PITPNM1: variants seen among roughly 807,000 people sequenced by gnomAD.
The protein encoded by PITPNM1 is membrane-associated phosphatidylinositol transfer protein 1.
A neutral mutation model predicts 133.3 loss-of-function variants in PITPNM1; 74 were observed. The observed-to-expected ratio is 0.56, with a 90% CI of 0.46 to 0.67. The LOEUF (loss-of-function observed/expected upper bound fraction) is 0.67. Among genes scored for constraint, PITPNM1 ranks in the 30% least tolerant of loss-of-function variants. The probability of loss-of-function intolerance (pLI) is 0.00; values close to 1 mark genes in which losing one functional copy is unlikely to be tolerated. For synonymous variants in PITPNM1, 738 were observed against 741.4 expected, an observed-to-expected ratio of 1.00 and a Z score of 0.08; for missense variants, 1,398 against 1,739.5, an observed-to-expected ratio of 0.80 and a Z score of 3.49.
Position 67,494,939 on chromosome 11 carries a change from C to T in PITPNM1, c.2649G>A (p.Arg883=). ...FILRQVIEKE[R]PQLAECEEPS... ...GCTCCTCGCATTCCGCCAGCTGTGG[C>T]CGCTCCTTCTCGATCACCTGCACGG... Residue 883 remains arginine, a synonymous_variant, in exon 18 of 24, where the codon CGG becomes CGA. Transcript: ENST00000356404. 6.2e-7 allele frequency: 1 copy of T among 1,612,730 alleles called. No homozygotes were observed. Among genetic ancestry groups the T allele is most frequent in the South Asian group, 1.1e-5 (1 of 91,084 alleles).
chr11:67,501,684 C>T (rs760082012), intron 5 of PITPNM1, among the ~76,000 whole-genome samples, 178 bp downstream of exon 5: 4 of 152,192 alleles, frequency 2.6e-5, no homozygotes, highest in African/African-American at 7.2e-5. Flanking sequence ...TTACCAGCTT[C>T]CTGCTCTGTG....
In PITPNM1 at chr11:67,498,068, C is replaced by T; in HGVS notation, c.1675-44G>A. The stretch of plus-strand genomic sequence containing the variant: ...ACCATCAGGAGAGGCCTTGTCCTCA[C>T]CCAGGCCAGACTACAGTGGGGGCTG... On this transcript the variant is annotated intron_variant, in intron 11 of 23. Transcript: ENST00000356404. The surrounding 1 kb of genome is among the most constrained non-coding windows in gnomAD (Gnocchi z 5.7). 17 of 1,608,054 alleles carry T rather than the reference C, an allele frequency of 1.1e-5. No individual in the cohort carries two copies. The highest frequency in any genetic ancestry group is 1.4e-5 in the Non-Finnish European group (17 of 1,178,516).
chr11:67,493,420 A>T lies in PITPNM1; in HGVS notation c.3332T>A (p.Leu1111Gln). The change falls in exon 22 of 24, where the codon CTG (leucine) becomes CAG (glutamine). Residue 1111 changes from leucine to glutamine, a missense_variant. Coordinates refer to ENST00000356404, the MANE Select transcript of PITPNM1 (RefSeq NM_004910.3). ...LRQKAMFLQS[L>Q]VQEVELNIVA... ...CCCCAGCCGCCGCACCTCCTGCACC[A>T]GGCTCTGCAGAAACATTGCCTTCTG... 6.3e-7 allele frequency: 1 copy of T among 1,591,290 alleles called. No individual in the cohort carries two copies. Among genetic ancestry groups the T allele is most frequent in the Non-Finnish European group, 8.6e-7 (1 of 1,165,610 alleles).
chr11:67,497,366 C>T lies in PITPNM1; in HGVS notation c.2011G>A (p.Ala671Thr), dbSNP rs753776051. 44 of 1,601,354 alleles carry T rather than the reference C, an allele frequency of 2.7e-5. No individual in the cohort carries two copies. The Admixed American group carries it at 3.1e-4, about 11-fold the overall frequency. The change falls in exon 14 of 24, where the codon GCT (alanine) becomes ACT (threonine). Residue 671 changes from alanine (A) to threonine (T), a missense_variant. Physicochemically the swap from Ala to Thr is moderately conservative, Grantham distance 58. Around this residue, in one of 5 missense-constraint regions of PITPNM1, gnomAD observed 574 missense variants for 698.7 expected, o/e 0.82. Coordinates refer to ENST00000356404, the MANE Select transcript of PITPNM1 (RefSeq NM_004910.3). The stretch of plus-strand genomic sequence containing the variant: ...CCGTCAGGTGCCTCGGAACTGGCAG[C>T]GGGTGGGCAGAAGGCCGTGCTTGCC... ...RRASTAFCPP[A>T]ASSEAPDGPS...
At chr11:67,503,501 G>T (rs1866398379) in intron 2 of PITPNM1, among the ~76,000 whole-genome samples, 1 of 152,182 alleles carries the variant, frequency 6.6e-6, no homozygotes, top group Non-Finnish European at 1.5e-5. Context: ...TATTGCTCCG[G>T]GGCTCAGATG....
intron 2 of PITPNM1, among the ~76,000 whole-genome samples, chr11:67,503,245 A>G (rs1322631593): frequency 6.6e-6 from 1 of 152,222 alleles, no homozygotes; most frequent in African/African-American, 2.4e-5. Context: ...GAGGTGAGGT[A>G]GGAGGAGGTG....
intron 8 of PITPNM1, 110 bp from the exon 9 acceptor site, chr11:67,499,111 C>A: frequency 1.9e-6 from 2 of 1,073,688 alleles, no homozygotes; most frequent in South Asian, 3.1e-5. Context: ...CCAGTCCCTA[C>A]CTTCCTCCAA....
At position 67,493,077 on chromosome 11, in the gene PITPNM1, G is replaced by A. The variant is rs1329968838; in HGVS notation, c.3343-15C>T. The A allele has an allele frequency of 1.2e-6, 2 of 1,612,596 alleles. No homozygotes were observed. The highest frequency in any genetic ancestry group is 1.1e-5 in the South Asian group (1 of 91,074). ...TTCAGTTCTACCTGTGGCGGGAGAT[G>A]CCAATCAGCCGCCCCAGGGGTGGAG... is the stretch of plus-strand genomic sequence containing the variant. On this transcript the variant is annotated splice_polypyrimidine_tract_variant and intron_variant, in intron 22 of 23. Coordinates refer to ENST00000356404, the MANE Select transcript of PITPNM1 (RefSeq NM_004910.3).
intron 12 of PITPNM1, 93 bp downstream of exon 12, chr11:67,497,824 C>A: frequency 1.4e-6 from 2 of 1,477,852 alleles, no homozygotes; most frequent in Middle Eastern, 1.7e-4. Flanking sequence ...GGGGGCCTGC[C>A]TGCTGGCAGA....
rs777553385 is a variant in PITPNM1 at position 67,494,833 on chromosome 11, G to A, written c.2742+13C>T. ...GGGCGAGTGGGCGAGGGGGCGAGGG[G>A]CAGGGCACCTACCCGGATCTTGACC... On this transcript the variant is annotated intron_variant, in intron 18 of 23. Coordinates refer to ENST00000356404, the MANE Select transcript of PITPNM1 (RefSeq NM_004910.3). 1.9e-6 allele frequency: 3 copies of A among 1,597,264 alleles called. No homozygotes were observed. Among genetic ancestry groups the A allele is most frequent in the African/African-American group, 1.3e-5 (1 of 74,578 alleles).
chr11:67,492,143 G>A lies in PITPNM1; in HGVS notation c.3625C>T (p.Arg1209Cys), dbSNP rs1179471369. The A allele has an allele frequency of 6.5e-5, 105 of 1,611,634 alleles. No individual in the cohort carries two copies. The highest frequency in any genetic ancestry group is 8.7e-5 in the Non-Finnish European group (103 of 1,179,812). ...DFLRKQSQLL[R>C]SRGPSQAERE... ...TCCGCCTGGCTGGGGCCCCTCGAGC[G>A]AAGCAGCTGGCTCTGTTTGCGCAGG... Residue 1209 changes from arginine (R) to cysteine (C), a missense_variant, in exon 24 of 24, where the codon CGC becomes TGC. Physicochemically the swap from Arg to Cys is radical, Grantham distance 180. Transcript: ENST00000356404.
chr11:67,504,047 G>T lies in PITPNM1; in HGVS notation c.78+56C>A. The T allele has an allele frequency of 7.2e-7, 1 of 1,387,726 alleles. No homozygotes were observed. Among genetic ancestry groups the T allele is most frequent in the Non-Finnish European group, 9.9e-7 (1 of 1,013,904 alleles). 86.0% of individuals were successfully genotyped at this position (1,387,726 alleles called of 1,614,324 possible). A position where few individuals can be genotyped will look rare whatever the true frequency, so the allele number is the denominator to read the frequency against. On this transcript the variant is annotated intron_variant, in intron 2 of 23. Coordinates refer to ENST00000356404, the MANE Select transcript of PITPNM1 (RefSeq NM_004910.3). The surrounding 1 kb of genome is among the most constrained non-coding windows in gnomAD (Gnocchi z 5.4). ...CGGTCCCAGCCCCGGGGCAGGGCTG[G>T]CGGGGTCGGCAGGGCTCCACCCCTT...
chr11:67,498,532 G>A lies in PITPNM1; in HGVS notation c.1484+64C>T, dbSNP rs565981829. On this transcript the variant is annotated intron_variant, in intron 10 of 23. Coordinates refer to ENST00000356404, the MANE Select transcript of PITPNM1 (RefSeq NM_004910.3). The surrounding 1 kb of genome is among the most constrained non-coding windows in gnomAD (Gnocchi z 5.7). Reference sequence around the variant, plus strand: ...TGTCTGGCTTCCTGACCCCTTCCCCGCTCCCTGCCCCGCTCCCTGGCCTGA... The same window carrying A: ...TGTCTGGCTTCCTGACCCCTTCCCCACTCCCTGCCCCGCTCCCTGGCCTGA... 383 of 1,558,708 alleles carry A rather than the reference G, an allele frequency of 2.5e-4. 1 individual carries two copies. In the African/African-American group the frequency reaches 4.7e-3, roughly 19 times the overall value.
Position 67,504,456 on chromosome 11 carries a change from A to C in PITPNM1, c.-41-235T>G. On this transcript the variant is annotated intron_variant, in intron 1 of 23. Coordinates refer to ENST00000356404, the MANE Select transcript of PITPNM1 (RefSeq NM_004910.3). This position sits in a 1 kb window ranked among gnomAD's most constrained non-coding sequence, Gnocchi z 5.4. ...CCCCCGCCCGCCCGTCGCCATGGCA[A>C]CCGCGCGCTGACGCGGGCCCCCCGG... The C allele has an allele frequency of 1.9e-5, 3 of 156,926 alleles. No individual in the cohort carries two copies. Among genetic ancestry groups the C allele is most frequent in the Admixed American group, 6.5e-5 (1 of 15,408 alleles). 9.7% of individuals were successfully genotyped at this position (156,926 alleles called of 1,614,324 possible).
chr11:67,492,898 G>T (rs1055994361), intron 23 of PITPNM1, 36 bp downstream of exon 23: 2 of 1,600,060 alleles, frequency 1.2e-6, no homozygotes, highest in Non-Finnish European at 1.7e-6. Flanking sequence ...CTGCCCCCTG[G>T]TGGGGTCCTG....
chr11:67,494,450 C>A, intron 18 of PITPNM1, 90 bp from the exon 19 acceptor site: 1 of 279,970 alleles, frequency 3.6e-6, no homozygotes, highest in Non-Finnish European at 6.1e-6. Context: ...ACGCAAACAC[C>A]GGGGTGGGGG....
At position 67,497,335 on chromosome 11, in the gene PITPNM1, C is replaced by T. The variant is rs776199107; in HGVS notation, c.2042G>A (p.Ser681Asn). Residue 681 changes from serine to asparagine, a missense_variant, in exon 14 of 24, where the codon AGC (serine) becomes AAC (asparagine). Physicochemically the swap from Ser to Asn is conservative, Grantham distance 46. Transcript: ENST00000356404. ...CTTGAAGTCAAGGCGGGCAGTGCTGCTGGGGCCGTCAGGTGCCTCGGAACT... is the reference window on the plus strand; with the variant it reads ...CTTGAAGTCAAGGCGGGCAGTGCTGTTGGGGCCGTCAGGTGCCTCGGAACT... ...AASSEAPDGPSSTARLDFKVS... is the reference protein window; with the variant it reads ...AASSEAPDGPNSTARLDFKVS... 1.2e-6 allele frequency: 2 copies of T among 1,610,510 alleles called. No homozygotes were observed. The highest frequency in any genetic ancestry group is 1.7e-6 in the Non-Finnish European group (2 of 1,178,182).
At chr11:67,496,617 T>A in intron 14 of PITPNM1, 1 of 459,330 alleles carries the variant, frequency 2.2e-6, no homozygotes, top group Non-Finnish European at 3.8e-6. Flanking sequence ...CTGGCCAACA[T>A]GGTGAAACCC....
At chr11:67,499,584 T>TCCAC (rs1234601322) in intron 8 of PITPNM1, 139 bp downstream of exon 8, 1 of 280,140 alleles carries the variant, frequency 3.6e-6, no homozygotes, top group Non-Finnish European at 6.1e-6. Flanking sequence ...CATCCATCCA[T>TCCAC]CCATCCATCC....
Sources: gnomAD v4.1 joint callset for allele counts (sites outside exome capture counted in the v4.1 genomes callset) on GRCh38, gnomAD v4.1.1 for gene constraint, gnomAD v4.1.1 regional missense constraint, Gnocchi (gnomAD v3.1) non-coding constraint, MANE v1.5 for transcripts, NCBI Gene and HGNC (gene_info 2026-07-23, HGNC 2026-07-21) for gene names.